CDC42BPB: variants seen among roughly 807,000 people sequenced by gnomAD.
The protein encoded by CDC42BPB is CDC42 binding protein kinase beta.
In CDC42BPB, 37 loss-of-function variants were observed where a neutral mutation model predicts 214.9. The observed-to-expected ratio is 0.17, with a 90% CI of 0.13 to 0.23. CDC42BPB has a LOEUF of 0.23. CDC42BPB is among the 10% of genes least tolerant of loss of function. CDC42BPB has a pLI of 1.00. For missense variants in CDC42BPB, 1,694 were observed against 2,227.0 expected, an observed-to-expected ratio of 0.76 and a Z score of 4.82; for synonymous variants, 931 against 884.0, an observed-to-expected ratio of 1.05 and a Z score of -0.94.
At chr14:103,003,605 C>T (rs992868961) in intron 4 of CDC42BPB, among the ~76,000 whole-genome samples, 1 of 152,228 alleles carries the variant, frequency 6.6e-6, no homozygotes, top group African/African-American at 2.4e-5. Flanking sequence ...GTGGCTTAAT[C>T]CCCACTGCGG....
chr14:102,950,339 C>A (rs1892429195), intron 25 of CDC42BPB, 127 bp downstream of exon 25: 4 of 1,276,252 alleles, frequency 3.1e-6, no homozygotes, highest in Non-Finnish European at 4.4e-6. Flanking sequence ...GGAGGGTAAG[C>A]CCCCTAGGAC....
At position 102,966,284 on chromosome 14, in the gene CDC42BPB, G is replaced by C. The variant is rs1158541124; in HGVS notation, c.2575C>G (p.Leu859Val). Reference protein sequence around the residue: ...LRSSSLGSRTLDPLWKVRRSQ... With the variant: ...LRSSSLGSRTVDPLWKVRRSQ... The stretch of plus-strand genomic sequence containing the variant: ...TGCAGGCATTACACAAAACCTACCA[G>C]TGTTCTTGACCCCAGACTAGAACTC... Residue 859 changes from leucine (L) to valine (V), a missense_variant and splice_region_variant, in exon 18 of 37, where the codon CTG becomes GTG. Leu to Val is a conservative substitution (Grantham distance 32, BLOSUM62 1). Around this residue, in one of 7 missense-constraint regions of CDC42BPB, gnomAD observed 55 missense variants for 95.5 expected, o/e 0.58. Coordinates refer to ENST00000361246, the MANE Select transcript of CDC42BPB (RefSeq NM_006035.4). 1.1e-5 allele frequency: 17 copies of C among 1,611,108 alleles called. No individual in the cohort carries two copies. Among genetic ancestry groups the C allele is most frequent in the Non-Finnish European group, 1.7e-6 (2 of 1,177,340 alleles).
intron 21 of CDC42BPB, among the ~76,000 whole-genome samples, chr14:102,955,066 G>A (rs1892654743): frequency 6.6e-6 from 1 of 152,200 alleles, no homozygotes; most frequent in Non-Finnish European, 1.5e-5. Context: ...GCAAGACCTG[G>A]AAATGCTGAT....
intron 36 of CDC42BPB, among the ~76,000 whole-genome samples, chr14:102,934,330 T>C (rs1052093820): frequency 4.6e-5 from 7 of 151,546 alleles, no homozygotes; most frequent in East Asian, 2.0e-4. Flanking sequence ...GTCAGGAGAT[T>C]GGGACCATCC....
At chr14:103,003,804 T>C (rs1452295197) in intron 4 of CDC42BPB, 124 bp downstream of exon 4, 9 of 649,994 alleles carry the variant, frequency 1.4e-5, no homozygotes, top group Non-Finnish European at 2.2e-5. Flanking sequence ...CCCGCCGTTT[T>C]ATCGAGTCCA....
chr14:103,003,381 A>G (rs1895080432), intron 4 of CDC42BPB, among the ~76,000 whole-genome samples: 1 of 152,234 alleles, frequency 6.6e-6, no homozygotes, highest in South Asian at 2.1e-4. Flanking sequence ...GACAATGCAC[A>G]TGCATGTGCG....
intron 4 of CDC42BPB, among the ~76,000 whole-genome samples, chr14:103,002,596 G>A (rs1324409322): frequency 6.6e-6 from 1 of 152,158 alleles, no homozygotes. Flanking sequence ...TGGGAGCAGG[G>A]ACACTGAGCA....
At chr14:102,967,999 G>A (rs1893295200) in intron 16 of CDC42BPB, among the ~76,000 whole-genome samples, 1 of 152,082 alleles carries the variant, frequency 6.6e-6, no homozygotes, top group Non-Finnish European at 1.5e-5. Context: ...GGAGGCTGAG[G>A]TGGGAGAATG....
intron 5 of CDC42BPB, among the ~76,000 whole-genome samples, chr14:102,990,920 C>A (rs1168584803): frequency 6.6e-6 from 1 of 152,164 alleles, no homozygotes; most frequent in Non-Finnish European, 1.5e-5. Flanking sequence ...GACCAATACA[C>A]AGGGAGAAAG....
At chr14:102,942,288 C>A (rs1399160905) in intron 30 of CDC42BPB, among the ~76,000 whole-genome samples, 1 of 152,100 alleles carries the variant, frequency 6.6e-6, no homozygotes, top group Non-Finnish European at 1.5e-5. Context: ...TGCAGTAAGC[C>A]CGTGGGTGGA....
chr14:103,006,577 C>T (rs1398281732), intron 3 of CDC42BPB, among the ~76,000 whole-genome samples: 1 of 152,220 alleles, frequency 6.6e-6, no homozygotes, highest in Non-Finnish European at 1.5e-5. Context: ...TTATAAACTA[C>T]ACTGCTTAGC....
At chr14:103,011,495 G>C (rs1211271154) in intron 2 of CDC42BPB, among the ~76,000 whole-genome samples, 1 of 152,232 alleles carries the variant, frequency 6.6e-6, no homozygotes, top group Admixed American at 6.5e-5. Flanking sequence ...CACTTTGGGA[G>C]GCTGGGCGGG....
In CDC42BPB at chr14:103,057,360, T is replaced by C; in HGVS notation, c.-187A>G. ...TGGGCTCCGTCCCGACGGCGCAGAG[T>C]CTGGGGCGCCGGGCCCCGCGGGTCC... On this transcript the variant is annotated 5_prime_UTR_variant, in exon 1 of 37. Coordinates refer to ENST00000361246, the MANE Select transcript of CDC42BPB (RefSeq NM_006035.4). 2 of 1,007,126 alleles carry C rather than the reference T, an allele frequency of 2.0e-6. No homozygotes were observed. Among genetic ancestry groups the C allele is most frequent in the Non-Finnish European group, 2.4e-6 (2 of 845,242 alleles). The allele number at this position is 1,007,126 out of a possible 1,614,324, so 62.4% of individuals were successfully genotyped here.
At chr14:103,027,762 A>G (rs1434224140) in intron 1 of CDC42BPB, among the ~76,000 whole-genome samples, 2 of 152,252 alleles carry the variant, frequency 1.3e-5, no homozygotes, top group Non-Finnish European at 2.9e-5. Flanking sequence ...AGGGGCAATG[A>G]AAATGCTCTA....
At chr14:103,021,500 T>C (rs528538141) in intron 1 of CDC42BPB, among the ~76,000 whole-genome samples, 12 of 148,586 alleles carry the variant, frequency 8.1e-5, no homozygotes, top group African/African-American at 3.0e-4. Context: ...CTGGCCAACA[T>C]GGTGAAACCC....
At chr14:102,972,247 G>GT in intron 12 of CDC42BPB, 86 bp from the exon 13 acceptor site, 2 of 1,555,972 alleles carry the variant, frequency 1.3e-6, no homozygotes, top group Non-Finnish European at 1.7e-6. Flanking sequence ...ATATTGAGGA[G>GT]TTAAAAGCGA....
rs10139783 is a variant in CDC42BPB, at chr14:102,933,648, C to A, written c.*64G>T. The A allele has an allele frequency of 5.2e-3, 6,817 of 1,299,668 alleles. 302 individuals carry two copies. In the African/African-American group the frequency reaches 0.095, roughly 18 times the overall value. The allele number at this position is 1,299,668 out of a possible 1,614,324, so 80.5% of individuals were successfully genotyped here. On this transcript the variant is annotated 3_prime_UTR_variant, in exon 37 of 37. Coordinates refer to ENST00000361246, the MANE Select transcript of CDC42BPB (RefSeq NM_006035.4). ...CTTGGACAACACTGGAGGGCCCGCTCAGTCTTGGCACTGACGCTGGAGGCC... is the reference window on the plus strand; with the variant it reads ...CTTGGACAACACTGGAGGGCCCGCTAAGTCTTGGCACTGACGCTGGAGGCC...
chr14:102,968,228 A>T, intron 16 of CDC42BPB, 25 bp downstream of exon 16: 1 of 1,538,846 alleles, frequency 6.5e-7, no homozygotes, highest in Non-Finnish European at 9.0e-7. Context: ...ACAAAGTGCT[A>T]ACTCAGGTAC....
intron 5 of CDC42BPB, among the ~76,000 whole-genome samples, chr14:102,988,220 T>C (rs775636679): frequency 1.3e-5 from 2 of 151,874 alleles, no homozygotes; most frequent in Non-Finnish European, 2.9e-5. Context: ...CGCAGTCAGA[T>C]AGGAAGCAGC....
Sources: allele counts gnomAD v4.1 joint callset (sites outside exome capture counted in the v4.1 genomes callset), GRCh38; gene constraint gnomAD v4.1.1; regional missense constraint gnomAD v4.1.1; transcripts MANE v1.5; gene names NCBI Gene and HGNC (gene_info 2026-07-23, HGNC 2026-07-21).